Variants in NFIB observed in about 807,000 individuals in gnomAD.
The protein encoded by NFIB is nuclear factor I B.
In NFIB, 11 loss-of-function variants were observed where a neutral mutation model predicts 61.5. That is an observed-to-expected ratio of 0.18 (90% CI 0.11 to 0.30). The LOEUF is 0.30. Ranked by LOEUF, NFIB falls within the 10% of genes least tolerant of loss-of-function variation. The pLI is 1.00. For missense variants in NFIB, 471 were observed against 608.9 expected, an observed-to-expected ratio of 0.77 and a Z score of 2.38; for synonymous variants, 260 against 216.5, an observed-to-expected ratio of 1.20 and a Z score of -1.76.
At chr9:14,349,788 T>A (rs1056879375) in intron 1 of NFIB, among the ~76,000 whole-genome samples, 7 of 152,174 alleles carry the variant, frequency 4.6e-5, no homozygotes, top group African/African-American at 1.7e-4. Context: ...TGACAATTTC[T>A]TGCATAGGGA....
chr9:14,387,523 G>T (rs988785875), intron 1 of NFIB, among the ~76,000 whole-genome samples: 27 of 152,142 alleles, frequency 1.8e-4, no homozygotes, highest in African/African-American at 6.3e-4. Context: ...GTGAGAAGAA[G>T]AAACAAACAA....
rs879849674 is a variant in NFIB, at chr9:14,084,966, C to CA, written c.*3342dup. The CA allele has an allele frequency of 1.3e-5, 3 of 229,550 alleles. No individual in the cohort carries two copies. Among genetic ancestry groups the CA allele is most frequent in the African/African-American group, 2.2e-5 (1 of 45,062 alleles). The allele number at this position is 229,550 out of a possible 1,614,324, so 14.2% of individuals were successfully genotyped here. A position where few individuals can be genotyped will look rare whatever the true frequency, so the allele number is the denominator to read the frequency against. ...TTGGTTAGCTAGAACTGCTCACTGG[C>CA]AAAAAAGAGAGCGAGTCTGCCTTTA... is the stretch of plus-strand genomic sequence containing the variant. On this transcript the variant is annotated 3_prime_UTR_variant, in exon 11 of 11. Coordinates refer to ENST00000380953, the MANE Select transcript of NFIB (RefSeq NM_001190737.2).
intron 2 of NFIB, among the ~76,000 whole-genome samples, chr9:14,282,035 A>G (rs1394841565): frequency 6.6e-6 from 1 of 152,214 alleles, no homozygotes; most frequent in Non-Finnish European, 1.5e-5. Flanking sequence ...TTCATTCTAA[A>G]AATATTCTAT....
the NFIB span, among the ~76,000 whole-genome samples, chr9:14,406,193 C>A: frequency 6.6e-6 from 1 of 152,190 alleles, no homozygotes; most frequent in South Asian, 2.1e-4. Flanking sequence ...GAAAGCAGAT[C>A]TAGGACCTAT....
chr9:14,273,282 T>A (rs969365718), intron 2 of NFIB, among the ~76,000 whole-genome samples: 2 of 152,184 alleles, frequency 1.3e-5, no homozygotes, highest in Admixed American at 6.6e-5. Context: ...CATGTCAAAC[T>A]ACAATAGGCC....
chr9:14,280,268 G>A (rs896750429), intron 2 of NFIB, among the ~76,000 whole-genome samples: 1 of 152,020 alleles, frequency 6.6e-6, no homozygotes, highest in Non-Finnish European at 1.5e-5. Flanking sequence ...TAATTTTTCT[G>A]TTCTTTCGTT....
At chr9:14,224,425 G>A (rs1003259599) in intron 2 of NFIB, among the ~76,000 whole-genome samples, 1 of 152,210 alleles carries the variant, frequency 6.6e-6, no homozygotes, top group African/African-American at 2.4e-5. Context: ...ACAGTTGGAT[G>A]TTCTGCCCTA....
the NFIB span, among the ~76,000 whole-genome samples, chr9:14,493,537 T>A: frequency 6.6e-6 from 1 of 152,208 alleles, no homozygotes; most frequent in African/African-American, 2.4e-5. Context: ...ATTTCAAGAC[T>A]TTATTAGATT....
Position 14,233,708 on chromosome 9 carries a change from G to A in NFIB, c.563-53928C>T, listed in dbSNP as rs141594070. On this transcript the variant is annotated intron_variant, in intron 2 of 10. Coordinates refer to ENST00000380953, the MANE Select transcript of NFIB (RefSeq NM_001190737.2). ...GCCTCCCAAAGTGCTGGGATTACAG[G>A]CGTGAACCACTGGGCCCAGACTTGT... Among the ~76,000 whole-genome samples, 29 of 152,264 alleles carry A rather than the reference G, an allele frequency of 1.9e-4. No individual in the cohort carries two copies. The East Asian group carries it at 4.8e-3, about 25-fold the overall frequency.
chr9:14,349,001 ACTT>A (rs2061070909), intron 1 of NFIB, among the ~76,000 whole-genome samples: 1 of 152,032 alleles, frequency 6.6e-6, no homozygotes, highest in Non-Finnish European at 1.5e-5. Context: ...TCACTTTACT[ACTT>A]CTTGAAATTC....
the NFIB span, among the ~76,000 whole-genome samples, chr9:14,469,302 G>C: frequency 6.6e-6 from 1 of 152,140 alleles, no homozygotes; most frequent in Non-Finnish European, 1.5e-5. Context: ...GATGACATGG[G>C]ATACTGATGA....
chr9:14,390,474 C>T (rs967985293), intron 1 of NFIB, among the ~76,000 whole-genome samples: 4 of 152,200 alleles, frequency 2.6e-5, no homozygotes, highest in Admixed American at 2.0e-4. Flanking sequence ...AAAGAGTAAA[C>T]TCAAGTGTAA....
chr9:14,397,046 G>A (rs1263332017), intron 1 of NFIB, among the ~76,000 whole-genome samples: 4 of 152,206 alleles, frequency 2.6e-5, no homozygotes, highest in African/African-American at 9.6e-5. Flanking sequence ...GTTCTGGGAA[G>A]AGGAGTTGAA....
At chr9:14,233,842 T>C (rs1281621549) in intron 2 of NFIB, among the ~76,000 whole-genome samples, 1 of 152,250 alleles carries the variant, frequency 6.6e-6, no homozygotes, top group African/African-American at 2.4e-5. Flanking sequence ...TGTAGCTTAA[T>C]TCTAGTCTAT....
At chr9:14,194,594 C>A (rs2048286393) in intron 2 of NFIB, among the ~76,000 whole-genome samples, 1 of 152,002 alleles carries the variant, frequency 6.6e-6, no homozygotes, top group Non-Finnish European at 1.5e-5. Context: ...AAAAATTATC[C>A]CAGTTCTTCC....
chr9:14,392,383 C>T (rs1394571501), intron 1 of NFIB, among the ~76,000 whole-genome samples: 3 of 152,090 alleles, frequency 2.0e-5, no homozygotes, highest in Non-Finnish European at 2.9e-5. Context: ...ATACAGAAAA[C>T]CTTTATATTA....
At chr9:14,464,614 G>A in the NFIB span, among the ~76,000 whole-genome samples, 4 of 152,140 alleles carry the variant, frequency 2.6e-5, no homozygotes, top group Admixed American at 6.5e-5. Flanking sequence ...TTGGCCTCAG[G>A]GGTGAGAGCT....
intron 5 of NFIB, among the ~76,000 whole-genome samples, chr9:14,149,731 T>G (rs7018727): frequency 0.065 from 9,822 of 152,214 alleles, 1,036 homozygotes; most frequent in African/African-American, 0.22. Context: ...ATGACACATT[T>G]TATTTTTTAT....
chr9:14,364,192 C>T (rs1178445750), intron 1 of NFIB, among the ~76,000 whole-genome samples: 2 of 152,200 alleles, frequency 1.3e-5, no homozygotes. Flanking sequence ...AAGAAATTGT[C>T]TGTTTCCCCA....
Sources: gnomAD v4.1 joint callset for allele counts (sites outside exome capture counted in the v4.1 genomes callset) on GRCh38, gnomAD v4.1.1 for gene constraint, MANE v1.5 for transcripts, NCBI Gene and HGNC (gene_info 2026-07-23, HGNC 2026-07-21) for gene names.